Variants in WWTR1 observed in about 807,000 individuals in gnomAD.
The protein encoded by WWTR1 is WW domain containing transcription regulator 1.
A neutral mutation model predicts 40.1 loss-of-function variants in WWTR1; 13 were observed. The ratio of observed to expected loss-of-function variants is 0.32; its 90% CI spans 0.21 to 0.52. The LOEUF (loss-of-function observed/expected upper bound fraction) is 0.52. Among genes scored for constraint, WWTR1 ranks in the 20% least tolerant of loss-of-function variants. The pLI is 0.97. For synonymous variants in WWTR1, 230 were observed against 210.1 expected (o/e 1.09, Z -0.82); for missense variants, 436 against 523.1 (o/e 0.83, Z 1.63).
At chr3:149,623,744 A>G (rs147662967) in intron 2 of WWTR1, among the ~76,000 whole-genome samples, 181 of 152,266 alleles carry the variant, frequency 1.2e-3, no homozygotes, top group Non-Finnish European at 2.1e-3. Flanking sequence ...CGTGTAGAGA[A>G]GATACAATCC....
At chr3:149,563,805 G>A (rs957403227) in intron 3 of WWTR1, among the ~76,000 whole-genome samples, 1 of 152,194 alleles carries the variant, frequency 6.6e-6, no homozygotes, top group Non-Finnish European at 1.5e-5. Flanking sequence ...AGGCTGCAGT[G>A]CAGCAGCTCC....
At chr3:149,538,167 G>T (rs187181764) in intron 4 of WWTR1, among the ~76,000 whole-genome samples, 3 of 152,046 alleles carry the variant, frequency 2.0e-5, no homozygotes, top group South Asian at 2.1e-4. Flanking sequence ...TGATCTGCCC[G>T]CCTTGGCTTC....
chr3:149,542,132 T>C (rs1018163535), intron 4 of WWTR1, among the ~76,000 whole-genome samples: 3 of 152,190 alleles, frequency 2.0e-5, no homozygotes, highest in Admixed American at 6.5e-5. Context: ...AGCTCGTCCT[T>C]GTACCCTTAA....
At chr3:149,661,098 A>G (rs2108173463), upstream of WWTR1, 1 of 152,236 alleles carries the variant, frequency 6.6e-6, no homozygotes, top group Admixed American at 6.5e-5. Flanking sequence ...TCCACTTTGT[A>G]CTTTTAGGAG....
At chr3:149,614,755 A>T (rs1353323366) in intron 2 of WWTR1, among the ~76,000 whole-genome samples, 1 of 152,068 alleles carries the variant, frequency 6.6e-6, no homozygotes, top group East Asian at 1.9e-4. Context: ...AGCCGAGGTG[A>T]GTGGATCACT....
At chr3:149,589,008 G>C (rs1415788914) in intron 2 of WWTR1, among the ~76,000 whole-genome samples, 1 of 152,208 alleles carries the variant, frequency 6.6e-6, no homozygotes, top group Non-Finnish European at 1.5e-5. Context: ...CTATAATTAA[G>C]CAATATTTTA....
At chr3:149,639,529 T>C (rs1324457194) in intron 2 of WWTR1, among the ~76,000 whole-genome samples, 1 of 152,170 alleles carries the variant, frequency 6.6e-6, no homozygotes, top group Non-Finnish European at 1.5e-5. Flanking sequence ...TATTTTCCTA[T>C]AGACAGCTTG....
chr3:149,565,060 C>T (rs1341614918), intron 3 of WWTR1, among the ~76,000 whole-genome samples: 7 of 151,926 alleles, frequency 4.6e-5, no homozygotes, highest in Non-Finnish European at 8.8e-5. Context: ...TGGTGGTGGG[C>T]ACCTATAATC....
At chr3:149,709,302 C>A (rs769342829) in intron 5 of WWTR1, among the ~76,000 whole-genome samples, 36 of 151,610 alleles carry the variant, frequency 2.4e-4, no homozygotes, top group African/African-American at 6.3e-4. Flanking sequence ...CAATAACCAT[C>A]CTAATTGGTG....
chr3:149,588,178 A>G (rs1427257585), intron 2 of WWTR1, among the ~76,000 whole-genome samples: 1 of 152,188 alleles, frequency 6.6e-6, no homozygotes, highest in Non-Finnish European at 1.5e-5. Flanking sequence ...AGCAATAGAC[A>G]TACGTTTCTG....
chr3:149,523,868 A>G (rs1735170718), intron 6 of WWTR1, among the ~76,000 whole-genome samples: 1 of 152,208 alleles, frequency 6.6e-6, no homozygotes, highest in Non-Finnish European at 1.5e-5. Context: ...CAAAGACTTC[A>G]CAGAGGTGGC....
intron 3 of WWTR1, among the ~76,000 whole-genome samples, chr3:149,544,047 T>G (rs1201929500): frequency 1.3e-5 from 2 of 151,902 alleles, no homozygotes; most frequent in African/African-American, 4.8e-5. Flanking sequence ...GGATTGCAGG[T>G]GGAAGCCACC....
chr3:149,696,112 CAAAAAAAAAA>C (rs368629673), intron 1 of WWTR1, among the ~76,000 whole-genome samples: 7 of 77,140 alleles, frequency 9.1e-5, no homozygotes, highest in Non-Finnish European at 1.4e-4. Context: ...GACTCTGTCT[CAAAAAAAAAA>C]AAAAAAAAAA....
chr3:149,647,483 C>T (rs1413468586), intron 2 of WWTR1, among the ~76,000 whole-genome samples: 1 of 152,108 alleles, frequency 6.6e-6, no homozygotes, highest in Non-Finnish European at 1.5e-5. Flanking sequence ...AGTTGATCAG[C>T]CTCAGAGGAA....
intron 2 of WWTR1, among the ~76,000 whole-genome samples, chr3:149,600,950 T>G (rs1710540526): frequency 6.6e-6 from 1 of 151,808 alleles, no homozygotes; most frequent in South Asian, 2.1e-4. Flanking sequence ...CCCTTGAAAA[T>G]TAATCCCTTG....
intron 2 of WWTR1, among the ~76,000 whole-genome samples, chr3:149,639,372 A>C (rs1712021496): frequency 6.6e-6 from 1 of 152,036 alleles, no homozygotes. Flanking sequence ...CATTCTGTTA[A>C]TTTTTAAAAC....
rs115371774 is a variant in WWTR1 at position 149,544,694 on chromosome 3, A to G, written c.569-2157T>C. ...CAACTGTCCCTAGCCACCTTCTGTCACATCTTAGACTGAAGAAGAGGAACA... is the reference window on the plus strand; with the variant it reads ...CAACTGTCCCTAGCCACCTTCTGTCGCATCTTAGACTGAAGAAGAGGAACA... On this transcript the variant is annotated intron_variant, in intron 3 of 6. Coordinates refer to ENST00000360632, the MANE Select transcript of WWTR1 (RefSeq NM_015472.6). Among the ~76,000 whole-genome samples the G allele has an allele frequency of 4.0e-3, 615 of 152,278 alleles. 3 individuals carry two copies. The highest frequency in any genetic ancestry group is 0.014 in the African/African-American group (582 of 41,550).
chr3:149,555,951 A>C (rs913125931), intron 3 of WWTR1, among the ~76,000 whole-genome samples: 1 of 152,170 alleles, frequency 6.6e-6, no homozygotes. Context: ...TGAAGCAGTG[A>C]TGTGTGCTCT....
At chr3:149,609,268 T>C (rs1411930126) in intron 2 of WWTR1, among the ~76,000 whole-genome samples, 2 of 151,988 alleles carry the variant, frequency 1.3e-5, no homozygotes, top group Non-Finnish European at 2.9e-5. Flanking sequence ...TCTTCACAAG[T>C]TTGGGTTAGC....
Sources: gnomAD v4.1 joint callset for allele counts (sites outside exome capture counted in the v4.1 genomes callset) on GRCh38, gnomAD v4.1.1 for gene constraint, MANE v1.5 for transcripts, NCBI Gene and HGNC (gene_info 2026-07-23, HGNC 2026-07-21) for gene names.